The following IFT57 variants were observed in gnomAD, a reference collection of about 807,000 sequenced individuals.
The protein encoded by IFT57 is intraflagellar transport 57.
IFT57 carries 59 observed loss-of-function variants against 56.8 expected under a neutral mutation model. The ratio of observed to expected loss-of-function variants is 1.04; its 90% CI spans 0.84 to 1.29. The LOEUF is 1.29. IFT57 is among the 50% of genes most tolerant of loss of function. The probability of loss-of-function intolerance (pLI) is 0.00; values close to 1 mark genes in which losing one functional copy is unlikely to be tolerated. For missense variants in IFT57, 470 were observed against 522.1 expected, an observed-to-expected ratio of 0.90 and a Z score of 0.97; for synonymous variants, 209 against 186.1, an observed-to-expected ratio of 1.12 and a Z score of -1.00.
chr3:108,198,300 T>A (rs1036726144), intron 5 of IFT57, among the ~76,000 whole-genome samples: 1 of 152,258 alleles, frequency 6.6e-6, no homozygotes, highest in South Asian at 2.1e-4. Flanking sequence ...TTCCCCACTC[T>A]GCTTTCTTGT....
intron 6 of IFT57, among the ~76,000 whole-genome samples, chr3:108,187,073 C>T (rs372498925): frequency 6.6e-6 from 1 of 152,060 alleles, no homozygotes; most frequent in African/African-American, 2.4e-5. Context: ...GTTGGCATCC[C>T]TAACCTTCAT....
chr3:108,214,128 T>C (rs746433669), intron 3 of IFT57, 107 bp from the exon 4 acceptor site: 2 of 613,236 alleles, frequency 3.3e-6, no homozygotes, highest in Non-Finnish European at 5.6e-6. Context: ...TCCTTTTTCA[T>C]TCCGCTTCCA....
At chr3:108,185,983 T>TA (rs1484384117) in intron 6 of IFT57, among the ~76,000 whole-genome samples, 1 of 152,088 alleles carries the variant, frequency 6.6e-6, no homozygotes, top group Non-Finnish European at 1.5e-5. Context: ...CCCCATGACT[T>TA]AAACATCGAA....
rs1326366101 is a variant in IFT57 at position 108,161,687 on chromosome 3, T to C, written c.*790A>G. On this transcript the variant is annotated 3_prime_UTR_variant, in exon 11 of 11. Coordinates refer to ENST00000264538, the MANE Select transcript of IFT57 (RefSeq NM_018010.4). ...GCTCAGGAAGATGCATAAGTAAAGATCATCAGTACTAGAGGCTGATCTTCA... is the reference window on the plus strand; with the variant it reads ...GCTCAGGAAGATGCATAAGTAAAGACCATCAGTACTAGAGGCTGATCTTCA... The C allele has an allele frequency of 6.6e-6, 1 of 152,130 alleles. No individual in the cohort carries two copies. The allele number at this position is 152,130 out of a possible 1,614,324, so 9.4% of individuals were successfully genotyped here.
intron 5 of IFT57, among the ~76,000 whole-genome samples, chr3:108,203,527 T>C (rs943792992): frequency 1.3e-5 from 2 of 152,190 alleles, no homozygotes; most frequent in South Asian, 2.1e-4. Context: ...TCTCCCTGCA[T>C]TAGCCCACAT....
rs1342019731 is a variant in IFT57 at position 108,206,643 on chromosome 3, G to A, written c.639C>T (p.Ala213=). 7.2e-7 allele frequency: 1 copy of A among 1,388,514 alleles called. No individual in the cohort carries two copies. Among genetic ancestry groups the A allele is most frequent in the African/African-American group, 1.5e-5 (1 of 68,580 alleles). 86.0% of individuals were successfully genotyped at this position (1,388,514 alleles called of 1,614,324 possible). Residue 213 remains alanine (A), a synonymous_variant, in exon 5 of 11, where the codon GCC becomes GCT. Transcript: ENST00000264538. The part of the protein sequence containing the change: ...ENFIDLNVLK[A]QTYHLDMNET... Reference sequence around the variant, plus strand: ...TGAAACTTACCAAGTGATATGTCTGGGCCTTTAAAACGTTGAGATCAATAA... The same window carrying A: ...TGAAACTTACCAAGTGATATGTCTGAGCCTTTAAAACGTTGAGATCAATAA...
intron 5 of IFT57, among the ~76,000 whole-genome samples, chr3:108,194,176 T>C (rs1483424979): frequency 6.6e-6 from 1 of 152,070 alleles, no homozygotes; most frequent in East Asian, 1.9e-4. Context: ...AATCAATATA[T>C]AAAAATCAGT....
intron 2 of IFT57, 137 bp from the exon 3 acceptor site, chr3:108,218,790 A>T (rs139738662): frequency 4.3e-6 from 2 of 466,760 alleles, no homozygotes; most frequent in African/African-American, 2.0e-5. Context: ...ACACTGCTTC[A>T]TACAAATCCA....
chr3:108,178,004 T>C (rs1190645974), intron 6 of IFT57, among the ~76,000 whole-genome samples: 1 of 151,788 alleles, frequency 6.6e-6, no homozygotes, highest in Non-Finnish European at 1.5e-5. Context: ...TAGATACAGA[T>C]ATACATAAAA....
intron 4 of IFT57, among the ~76,000 whole-genome samples, chr3:108,208,421 T>C (rs57222320): frequency 0.096 from 14,628 of 152,228 alleles, 764 homozygotes; most frequent in Middle Eastern, 0.12. Context: ...CAGTACTGTT[T>C]ACATAAGCAA....
At chr3:108,185,305 A>G (rs1318371671) in intron 6 of IFT57, among the ~76,000 whole-genome samples, 3 of 152,130 alleles carry the variant, frequency 2.0e-5, no homozygotes, top group Non-Finnish European at 4.4e-5. Context: ...GGAGAATCTG[A>G]TGCCAGCAAA....
intron 6 of IFT57, among the ~76,000 whole-genome samples, chr3:108,175,740 TGGAATTTA>T: frequency 6.6e-6 from 1 of 151,598 alleles, no homozygotes; most frequent in Non-Finnish European, 1.5e-5. Context: ...AGATGGTAAA[TGGAATTTA>T]CATCTATGTA....
At chr3:108,180,811 C>T (rs7622938) in intron 6 of IFT57, among the ~76,000 whole-genome samples, 14,641 of 152,050 alleles carry the variant, frequency 0.096, 768 homozygotes, top group Middle Eastern at 0.12. Context: ...CTTTATGCTT[C>T]AATTCATAGT....
intron 6 of IFT57, among the ~76,000 whole-genome samples, chr3:108,188,160 T>C (rs1326787114): frequency 1.3e-5 from 2 of 151,920 alleles, no homozygotes; most frequent in African/African-American, 4.8e-5. Flanking sequence ...TTGATTTTGA[T>C]AGAGTGAGGA....
intron 8 of IFT57, 106 bp from the exon 9 acceptor site, chr3:108,165,599 C>G: frequency 1.2e-6 from 1 of 818,124 alleles, no homozygotes; most frequent in Non-Finnish European, 2.1e-6. Context: ...TTATGACAAC[C>G]CTGCTCCTTG....
At chr3:108,172,760 A>G (rs914067485) in intron 6 of IFT57, among the ~76,000 whole-genome samples, 1 of 151,878 alleles carries the variant, frequency 6.6e-6, no homozygotes, top group African/African-American at 2.4e-5. Context: ...TTCCAGCTTG[A>G]GGAACTGAGG....
rs184942071 is a variant in IFT57 at position 108,221,069 on chromosome 3, G to A, written c.212+1042C>T. On this transcript the variant is annotated intron_variant, in intron 1 of 10. Transcript: ENST00000264538. ...TCCCAGGACTACCTTTTCTAACATGGATCAAGCAACACTACTTTTTCCTTT... is the reference window on the plus strand; with the variant it reads ...TCCCAGGACTACCTTTTCTAACATGAATCAAGCAACACTACTTTTTCCTTT... 5.9e-5 allele frequency among the ~76,000 whole-genome samples: 9 copies of A among 152,260 alleles called. No individual in the cohort carries two copies. The East Asian group carries it at 1.7e-3, about 29-fold the overall frequency.
chr3:108,172,912 G>T lies in IFT57; in HGVS notation c.778-5048C>A, dbSNP rs146919188. 2.5e-3 allele frequency among the ~76,000 whole-genome samples: 374 copies of T among 151,936 alleles called. 4 individuals are homozygous for T. The highest frequency in any genetic ancestry group is 8.7e-3 in the African/African-American group (360 of 41,476). ...AAGCCCATTAAAGTGTTGAGCCAGT[G>T]ATGATTTGTAATTACCTGTGAGGCA... On this transcript the variant is annotated intron_variant, in intron 6 of 10. Coordinates refer to ENST00000264538, the MANE Select transcript of IFT57 (RefSeq NM_018010.4).
chr3:108,162,866 G>C (rs1233978459), intron 10 of IFT57, among the ~76,000 whole-genome samples: 2 of 152,062 alleles, frequency 1.3e-5, no homozygotes, highest in Non-Finnish European at 2.9e-5. Context: ...TTGATGTATT[G>C]AGACTAAACT....
Sources: allele counts gnomAD v4.1 joint callset (sites outside exome capture counted in the v4.1 genomes callset), GRCh38; gene constraint gnomAD v4.1.1; transcripts MANE v1.5; gene names NCBI Gene and HGNC (gene_info 2026-07-23, HGNC 2026-07-21).